The following GK variants were observed in gnomAD, a reference collection of about 807,000 sequenced individuals.
The protein encoded by GK is glycerol kinase.
GK carries 9 observed loss-of-function variants against 56.4 expected under a neutral mutation model. The ratio of observed to expected loss-of-function variants is 0.16; its 90% confidence interval spans 0.10 to 0.28. The LOEUF (loss-of-function observed/expected upper bound fraction) is 0.28. GK is among the 10% of genes least tolerant of loss of function. The pLI is 1.00. For missense variants in GK, 161 were observed against 431.4 expected, an observed-to-expected ratio of 0.37 and a Z score of 5.55; for synonymous variants, 104 against 144.1, an observed-to-expected ratio of 0.72 and a Z score of 1.99.
At chrX:30,660,439 T>A (rs1932663802) in intron 1 of GK, among the ~76,000 whole-genome samples, 1 of 110,987 alleles carries the variant, frequency 9.0e-6, no homozygotes, top group East Asian at 2.8e-4. Context: ...ATGAGTGATT[T>A]CTAATCCTTA....
intron 13 of GK, among the ~76,000 whole-genome samples, chrX:30,717,956 G>A (rs1936712516): frequency 9.0e-6 from 1 of 111,389 alleles, no homozygotes; most frequent in Non-Finnish European, 1.9e-5. Flanking sequence ...AAGTTACTTA[G>A]ATTAGTTACT....
rs1931988387 is a variant in GK, at chrX:30,653,483, G to T, written c.-55G>T. Reference sequence around the variant, plus strand: ...CTCGTCACCTGCCCCTCCCCCTCCCGCCGCCGTCACCCAGGAAACCGGCCG... The same window carrying T: ...CTCGTCACCTGCCCCTCCCCCTCCCTCCGCCGTCACCCAGGAAACCGGCCG... On this transcript the variant is annotated 5_prime_UTR_variant, in exon 1 of 21. Transcript: ENST00000427190. 3 of 1,085,561 alleles carry T rather than the reference G, an allele frequency of 2.8e-6. No individual in the cohort carries two copies. Among genetic ancestry groups the T allele is most frequent in the Admixed American group, 2.2e-5 (1 of 45,880 alleles). The allele number at this position is 1,085,561 out of a possible 1,213,427, so 89.5% of individuals were successfully genotyped here.
intron 3 of GK, chrX:30,672,020 G>A (rs1933544270): frequency 9.2e-6 from 1 of 108,298 alleles, no homozygotes; most frequent in Non-Finnish European, 1.9e-5. Flanking sequence ...GCTCATGCCT[G>A]TAATCCCAGC....
At chrX:30,680,863 C>G (rs1431187831) in intron 4 of GK, among the ~76,000 whole-genome samples, 1 of 111,405 alleles carries the variant, frequency 9.0e-6, no homozygotes, top group Non-Finnish European at 1.9e-5. Flanking sequence ...TGTGAAAGGT[C>G]AAATCCTGGA....
intron 4 of GK, among the ~76,000 whole-genome samples, chrX:30,690,303 C>T (rs1934864133): frequency 1.8e-5 from 2 of 111,687 alleles, no homozygotes; most frequent in Admixed American, 9.5e-5. Context: ...TAAAAGTTAT[C>T]GAAGTTTAAG....
rs150253781 is a variant in GK at position 30,669,176 on chromosome X, C to T, written c.259+1058C>T. Among the ~76,000 whole-genome samples, 74 of 106,239 alleles carry T rather than the reference C, an allele frequency of 7.0e-4. 2 individuals are homozygous for T. In the East Asian group the frequency reaches 0.021, roughly 30 times the overall value. The allele number at this position is 106,239 out of a possible 115,157, so 92.3% of individuals were successfully genotyped here. A position where few individuals can be genotyped will look rare whatever the true frequency, so the allele number is the denominator to read the frequency against. On this transcript the variant is annotated intron_variant, in intron 3 of 20. Coordinates refer to ENST00000427190, the MANE Select transcript of GK (RefSeq NM_001205019.2). ...ATTGTTATGGATTTCTCTGAGAAGT[C>T]CTAGTAGTTTTTTTTTTTTTTTTGA...
At chrX:30,694,734 G>A (rs1226540599) in intron 6 of GK, among the ~76,000 whole-genome samples, 197 bp downstream of exon 6, 1 of 110,941 alleles carries the variant, frequency 9.0e-6, no homozygotes, top group Non-Finnish European at 1.9e-5. Flanking sequence ...ATTTTTTCTT[G>A]TCTTACTTCA....
chrX:30,669,874 C>T (rs1601880494), intron 3 of GK, among the ~76,000 whole-genome samples: 1 of 112,348 alleles, frequency 8.9e-6, no homozygotes, highest in Non-Finnish European at 1.9e-5. Context: ...TGCTTAAGTG[C>T]AGAAAACATG....
chrX:30,724,967 G>A (rs910334414), intron 19 of GK, among the ~76,000 whole-genome samples: 2 of 109,026 alleles, frequency 1.8e-5, no homozygotes, highest in African/African-American at 3.4e-5. Flanking sequence ...TGCAACCTCC[G>A]CCTCCTGGGT....
chrX:30,708,256 T>G (rs758128299), intron 13 of GK, 122 bp downstream of exon 13: 56 of 456,996 alleles, frequency 1.2e-4, no homozygotes, highest in Non-Finnish European at 2.0e-4. Context: ...TTCTGCTTTC[T>G]TGGCATTTGA....
chrX:30,694,581 T>C, intron 6 of GK, 44 bp downstream of exon 6: 2 of 1,088,093 alleles, frequency 1.8e-6, no homozygotes, highest in Non-Finnish European at 2.6e-6. Context: ...TTTTCAGAAA[T>C]TTTTTCTAGA....
At chrX:30,671,291 C>CAAAAAA (rs56822779) in intron 3 of GK, among the ~76,000 whole-genome samples, 39 of 27,149 alleles carry the variant, frequency 1.4e-3, no homozygotes, top group South Asian at 6.0e-3. Flanking sequence ...AACTCCATCT[C>CAAAAAA]AAAAAAAAAA....
intron 1 of GK, among the ~76,000 whole-genome samples, chrX:30,654,615 C>T (rs1217351749): frequency 9.1e-6 from 1 of 110,480 alleles, no homozygotes; most frequent in African/African-American, 3.3e-5. Flanking sequence ...CCTACTTACC[C>T]GGGAGGCTGA....
chrX:30,681,971 C>T (rs1934300736), intron 4 of GK, among the ~76,000 whole-genome samples: 2 of 111,785 alleles, frequency 1.8e-5, no homozygotes, highest in African/African-American at 6.5e-5. Context: ...TTAGTCCATT[C>T]TGGTTACTAT....
At chrX:30,674,344 G>A (rs750966489) in intron 3 of GK, 25 of 328,775 alleles carry the variant, frequency 7.6e-5, no homozygotes, top group South Asian at 5.0e-4. Flanking sequence ...GAGGGTCTGC[G>A]GCCTTAAATC....
intron 9 of GK, among the ~76,000 whole-genome samples, chrX:30,698,926 A>G (rs892739367): frequency 9.2e-6 from 1 of 108,564 alleles, no homozygotes; most frequent in Non-Finnish European, 1.9e-5. Context: ...GAAAACAAGA[A>G]AGAAATAAAA....
intron 18 of GK, 194 bp downstream of exon 18, chrX:30,721,189 G>T (rs1174223683): frequency 4.3e-6 from 2 of 470,094 alleles, no homozygotes; most frequent in African/African-American, 2.4e-5. Flanking sequence ...CTTATCAAAA[G>T]AACTTCTAAA....
Position 30,731,136 on chromosome X carries a change from C to A in GK, c.*2394C>A, listed in dbSNP as rs2147282304. ...ATATCTTAGAATTTTTAGTATGTTT[C>A]TTTTGAAGTGCCCAAAGCCCAATTC... is the stretch of plus-strand genomic sequence containing the variant. On this transcript the variant is annotated 3_prime_UTR_variant, in exon 21 of 21. Coordinates refer to ENST00000427190, the MANE Select transcript of GK (RefSeq NM_001205019.2). The A allele has an allele frequency of 8.9e-6, 1 of 111,907 alleles. No individual in the cohort carries two copies. Among genetic ancestry groups the A allele is most frequent in the South Asian group, 3.7e-4 (1 of 2,714 alleles). 9.2% of individuals were successfully genotyped at this position (111,907 alleles called of 1,213,427 possible). A position where few individuals can be genotyped will look rare whatever the true frequency, so the allele number is the denominator to read the frequency against.
chrX:30,660,815 T>C (rs1237356009), intron 1 of GK, among the ~76,000 whole-genome samples: 3 of 99,497 alleles, frequency 3.0e-5, no homozygotes, highest in Non-Finnish European at 6.2e-5. Flanking sequence ...CTTTCTTCTT[T>C]TTTTTTTTTT....
Sources: allele counts gnomAD v4.1 joint callset (sites outside exome capture counted in the v4.1 genomes callset), GRCh38; gene constraint gnomAD v4.1.1; transcripts MANE v1.5; gene names NCBI Gene and HGNC (gene_info 2026-07-23, HGNC 2026-07-21).